The following NEK5 variants were observed in gnomAD, a reference collection of about 807,000 sequenced individuals.
The protein encoded by NEK5 is serine/threonine-protein kinase Nek5.
A neutral mutation model predicts 109.2 loss-of-function variants in NEK5; 88 were observed. The ratio of observed to expected loss-of-function variants is 0.81; its 90% CI spans 0.68 to 0.96. NEK5 has a LOEUF of 0.96. NEK5 is among the 40% of genes least tolerant of loss of function. The pLI is 0.00. For synonymous variants in NEK5, 283 were observed against 299.9 expected (o/e 0.94, Z 0.58); for missense variants, 834 against 920.7 (o/e 0.91, Z 1.22).
chr13:52,045,292 G>C (rs1954447539), intron 23 of NEK5, among the ~76,000 whole-genome samples: 1 of 150,516 alleles, frequency 6.6e-6, no homozygotes, highest in Non-Finnish European at 1.5e-5. Context: ...CCCACGCCCG[G>C]CTAATTTTTT....
At chr13:52,049,533 C>T (rs61958806) in intron 23 of NEK5, among the ~76,000 whole-genome samples, 5,518 of 152,126 alleles carry the variant, frequency 0.036, 134 homozygotes, top group South Asian at 0.09. Context: ...ATCCCAACAA[C>T]GTTTCTCATA....
At chr13:52,111,679 C>A (rs886823514) in intron 5 of NEK5, among the ~76,000 whole-genome samples, 1 of 152,200 alleles carries the variant, frequency 6.6e-6, no homozygotes, top group East Asian at 1.9e-4. Context: ...CCTCTCCACA[C>A]ATACAAACCT....
intron 23 of NEK5, among the ~76,000 whole-genome samples, chr13:52,045,062 T>C (rs1168917946): frequency 6.6e-6 from 1 of 150,726 alleles, no homozygotes; most frequent in Non-Finnish European, 1.5e-5. Context: ...CTAGAAAGAA[T>C]AGGAATTGAA....
rs1489359921 is a variant in NEK5 at position 52,104,555 on chromosome 13, AAAG to A, written c.555-6_555-4del. 1 of 1,596,414 alleles carries A rather than the reference AAAG, an allele frequency of 6.3e-7. No homozygotes were observed. The highest frequency in any genetic ancestry group is 2.2e-5 in the East Asian group (1 of 44,710). On this transcript the variant is annotated splice_polypyrimidine_tract_variant and splice_region_variant and intron_variant, in intron 8 of 23. Transcript: ENST00000684899. Reference sequence around the variant, plus strand: ...CACAGCCAAGAGACCAAATATCCCTAAAGAAGATAAGAGTTTACATGCCAAGAA... The same window carrying A: ...CACAGCCAAGAGACCAAATATCCCTAAAGATAAGAGTTTACATGCCAAGAA...
chr13:52,080,856 C>T (rs978055024), intron 17 of NEK5, among the ~76,000 whole-genome samples: 1 of 148,390 alleles, frequency 6.7e-6, no homozygotes, highest in African/African-American at 2.5e-5. Context: ...CTGCCAAATA[C>T]CCCTCTGCGA....
chr13:52,111,316 C>G (rs1484341425), intron 5 of NEK5, among the ~76,000 whole-genome samples: 4 of 151,784 alleles, frequency 2.6e-5, no homozygotes, highest in African/African-American at 9.7e-5. Context: ...TAGTTCATTC[C>G]CAACAAAAAG....
chr13:52,084,256 G>A (rs1247738320), intron 16 of NEK5, among the ~76,000 whole-genome samples: 1 of 151,740 alleles, frequency 6.6e-6, no homozygotes, highest in Non-Finnish European at 1.5e-5. Context: ...TTTGGGACAG[G>A]GCCTCCCTCT....
intron 11 of NEK5, among the ~76,000 whole-genome samples, chr13:52,100,757 A>G (rs1490949239): frequency 1.3e-5 from 2 of 152,210 alleles, no homozygotes; most frequent in Non-Finnish European, 2.9e-5. Flanking sequence ...GATTAGAAAT[A>G]TGGACAATAC....
intron 1 of NEK5, among the ~76,000 whole-genome samples, chr13:52,127,866 G>GA (rs1218914015): frequency 6.6e-6 from 1 of 152,200 alleles, no homozygotes; most frequent in Non-Finnish European, 1.5e-5. Context: ...TATAAAGCAG[G>GA]AATGTCCTTA....
intron 20 of NEK5, among the ~76,000 whole-genome samples, chr13:52,067,669 C>A (rs1954711882): frequency 6.8e-6 from 1 of 146,646 alleles, no homozygotes; most frequent in African/African-American, 2.5e-5. Context: ...GGTCTTTACA[C>A]CACGTCATTT....
intron 3 of NEK5, among the ~76,000 whole-genome samples, chr13:52,121,154 G>C (rs1158396630): frequency 1.4e-5 from 2 of 138,296 alleles, no homozygotes; most frequent in Admixed American, 7.7e-5. Context: ...TCCTGCTGAA[G>C]AAATCTTTTT....
In NEK5 at chr13:52,055,767, C is replaced by CA. The variant is rs1297240131; in HGVS notation, c.2111-5547_2111-5546insT. The stretch of plus-strand genomic sequence containing the variant: ...AAATGCTGAGAGATTTTGTCACCAC[C>CA]GGCCTGCCCTACAAGAGCTCCTGAA... On this transcript the variant is annotated intron_variant, in intron 22 of 23. Transcript: ENST00000684899. Among the ~76,000 whole-genome samples the CA allele has an allele frequency of 3.5e-3, 538 of 152,022 alleles. 4 individuals are homozygous for CA. The highest frequency in any genetic ancestry group is 5.6e-3 in the Non-Finnish European group (378 of 67,986).
intron 1 of NEK5, among the ~76,000 whole-genome samples, chr13:52,128,361 C>T (rs1956109525): frequency 6.6e-6 from 1 of 152,126 alleles, no homozygotes; most frequent in Admixed American, 6.5e-5. Flanking sequence ...CCGTCACGTT[C>T]AGGCGACTCC....
At position 52,074,368 on chromosome 13, in the gene NEK5, A is replaced by G. The variant is rs150882659; in HGVS notation, c.1722+1390T>C. ...ATAATCTTTGACAAAATCGACAAAA[A>G]TAAGCAATGGGGAAAGGACTTCCTA... On this transcript the variant is annotated intron_variant, in intron 19 of 23. Transcript: ENST00000684899. Among the ~76,000 whole-genome samples, 470 of 152,330 alleles carry G rather than the reference A, an allele frequency of 3.1e-3. 4 individuals are homozygous for G. The highest frequency in any genetic ancestry group is 0.01 in the African/African-American group (422 of 41,570).
chr13:52,118,695 C>A (rs1955908143), intron 4 of NEK5, among the ~76,000 whole-genome samples: 1 of 152,140 alleles, frequency 6.6e-6, no homozygotes. Flanking sequence ...AAGTTCTCCC[C>A]CTCTCCGTGG....
At chr13:52,037,822 C>T (rs1954375215) in intron 23 of NEK5, among the ~76,000 whole-genome samples, 1 of 151,930 alleles carries the variant, frequency 6.6e-6, no homozygotes, top group Admixed American at 6.6e-5. Context: ...ACTCGGGAGG[C>T]TGAGGCAGGA....
rs751900639 is a variant in NEK5 at position 52,034,236 on chromosome 13, C to T, written c.*2712G>A. Reference sequence around the variant, plus strand: ...AACAGTTTCAATTTAACGGATGAGGCCAAGGCTAAAGCCAGAGTAAAGTAA... The same window carrying T: ...AACAGTTTCAATTTAACGGATGAGGTCAAGGCTAAAGCCAGAGTAAAGTAA... On this transcript the variant is annotated 3_prime_UTR_variant, in exon 24 of 24. Coordinates refer to ENST00000684899, the MANE Select transcript of NEK5 (RefSeq NM_001365552.1). The T allele has an allele frequency of 2.0e-5, 3 of 152,072 alleles. No individual in the cohort carries two copies. The highest frequency in any genetic ancestry group is 6.6e-5 in the Admixed American group (1 of 15,252). 9.4% of individuals were successfully genotyped at this position (152,072 alleles called of 1,614,324 possible). A position where few individuals can be genotyped will look rare whatever the true frequency, so the allele number is the denominator to read the frequency against.
chr13:52,101,550 T>C (rs772781391), intron 11 of NEK5, among the ~76,000 whole-genome samples: 1 of 152,248 alleles, frequency 6.6e-6, no homozygotes, highest in Non-Finnish European at 1.5e-5. Flanking sequence ...GAATTCTTAA[T>C]TGCCAGTCTA....
At chr13:52,080,070 C>G (rs1305179438) in intron 17 of NEK5, among the ~76,000 whole-genome samples, 4 of 151,698 alleles carry the variant, frequency 2.6e-5, no homozygotes, top group Non-Finnish European at 5.9e-5. Flanking sequence ...CCGGCAGCCG[C>G]CCGGTCTGAG....
Sources: allele counts gnomAD v4.1 joint callset (sites outside exome capture counted in the v4.1 genomes callset), GRCh38; gene constraint gnomAD v4.1.1; transcripts MANE v1.5; gene names NCBI Gene and HGNC (gene_info 2026-07-23, HGNC 2026-07-21).